The following CCDC171 variants were observed in gnomAD, a reference collection of about 807,000 sequenced individuals.
CCDC171 encodes the protein coiled-coil domain-containing protein 171.
In CCDC171, 177 loss-of-function variants were observed where a neutral mutation model predicts 168.2. The ratio of observed to expected loss-of-function variants is 1.05; its 90% CI spans 0.93 to 1.19. The LOEUF is 1.19. Among genes scored for constraint, CCDC171 ranks in the 50% most tolerant of loss-of-function variants. The pLI is 0.00. For missense variants in CCDC171, 1,991 were observed against 1,539.0 expected, an observed-to-expected ratio of 1.29 and a Z score of -4.91; for synonymous variants, 687 against 540.8, an observed-to-expected ratio of 1.27 and a Z score of -3.75.
chr9:15,659,777 C>G lies in CCDC171; in HGVS notation c.915+2558C>G, dbSNP rs115345318. On this transcript the variant is annotated intron_variant, in intron 8 of 25. Coordinates refer to ENST00000380701, the MANE Select transcript of CCDC171 (RefSeq NM_173550.4). ...GCCAAAATCAGTAAATGAAAAGTAG[C>G]TATAAGCAGATAGATTAAAACTAGT... Among the ~76,000 whole-genome samples, 1,036 of 152,238 alleles carry G rather than the reference C, an allele frequency of 6.8e-3. 7 individuals carry two copies. Among genetic ancestry groups the G allele is most frequent in the African/African-American group, 0.024 (1,002 of 41,564 alleles).
chr9:15,793,310 C>T (rs1168962342), intron 21 of CCDC171, among the ~76,000 whole-genome samples: 5 of 151,620 alleles, frequency 3.3e-5, no homozygotes, highest in African/African-American at 7.3e-5. Context: ...ACAGGAGCAC[C>T]CAGATTCATA....
intron 25 of CCDC171, among the ~76,000 whole-genome samples, chr9:15,946,008 T>G (rs1167064636): frequency 6.6e-6 from 1 of 151,570 alleles, no homozygotes; most frequent in Non-Finnish European, 1.5e-5. Flanking sequence ...GTTTTTATGG[T>G]TTTAGGTCTA....
chr9:15,896,295 C>G (rs1411280458), intron 24 of CCDC171, among the ~76,000 whole-genome samples: 1 of 151,904 alleles, frequency 6.6e-6, no homozygotes, highest in Non-Finnish European at 1.5e-5. Flanking sequence ...AGAGTCTAAA[C>G]AAGATACAAA....
In CCDC171 at chr9:15,971,965, C is replaced by T; in HGVS notation, c.*129C>T. On this transcript the variant is annotated 3_prime_UTR_variant, in exon 26 of 26. Transcript: ENST00000380701. Reference sequence around the variant, plus strand: ...TGGATTTAAAAAATTTGTGCGCTATCTTGATGTATTCTGGTAGCTCTGTCT... The same window carrying T: ...TGGATTTAAAAAATTTGTGCGCTATTTTGATGTATTCTGGTAGCTCTGTCT... The T allele has an allele frequency of 1.4e-6, 1 of 728,674 alleles. No individual in the cohort carries two copies. Among genetic ancestry groups the T allele is most frequent in the Non-Finnish European group, 2.3e-6 (1 of 435,940 alleles). 45.1% of individuals were successfully genotyped at this position (728,674 alleles called of 1,614,324 possible).
At chr9:16,013,254 T>C (rs550501070) in intron 3 of CCDC171, among the ~76,000 whole-genome samples, 1 of 152,172 alleles carries the variant, frequency 6.6e-6, no homozygotes, top group East Asian at 1.9e-4. Context: ...CCTCTTTCTT[T>C]CCATCACAGC....
intron 25 of CCDC171, among the ~76,000 whole-genome samples, chr9:15,952,433 T>C (rs1486877333): frequency 6.6e-6 from 1 of 152,192 alleles, no homozygotes; most frequent in Non-Finnish European, 1.5e-5. Flanking sequence ...AGTCTCGCTG[T>C]GTTTCCCAGG....
chr9:15,730,687 G>T (rs114455514), intron 16 of CCDC171, among the ~76,000 whole-genome samples: 1 of 151,302 alleles, frequency 6.6e-6, no homozygotes, highest in Non-Finnish European at 1.5e-5. Context: ...TATTAAATCA[G>T]GTCATTCTGT....
chr9:15,621,412 A>T (rs554284647), intron 6 of CCDC171, among the ~76,000 whole-genome samples: 1 of 152,298 alleles, frequency 6.6e-6, no homozygotes, highest in East Asian at 1.9e-4. Flanking sequence ...TTATTGCAAT[A>T]TATGCTTTAT....
chr9:16,005,241 T>C (rs1832661944), intron 3 of CCDC171, among the ~76,000 whole-genome samples: 1 of 152,256 alleles, frequency 6.6e-6, no homozygotes, highest in Admixed American at 6.5e-5. Context: ...TTTCATATAA[T>C]CACATAATAT....
chr9:15,860,921 G>T (rs2061528817), intron 23 of CCDC171, among the ~76,000 whole-genome samples: 1 of 93,496 alleles, frequency 1.1e-5, no homozygotes, highest in South Asian at 3.6e-4. Context: ...ATATTTAGGT[G>T]CTCTGTTGTT....
At chr9:15,833,436 C>A (rs894792548) in intron 21 of CCDC171, among the ~76,000 whole-genome samples, 1 of 152,108 alleles carries the variant, frequency 6.6e-6, no homozygotes, top group African/African-American at 2.4e-5. Flanking sequence ...AAATGATATT[C>A]ATTTATGTTG....
At chr9:16,104,216 C>T in the CCDC171 span, among the ~76,000 whole-genome samples, 8 of 152,190 alleles carry the variant, frequency 5.3e-5, no homozygotes, top group East Asian at 5.8e-4. Context: ...CAGAAAAGCC[C>T]CTGTTGTTTT....
At chr9:15,693,836 C>G (rs1587999941) in intron 10 of CCDC171, among the ~76,000 whole-genome samples, 1 of 152,128 alleles carries the variant, frequency 6.6e-6, no homozygotes, top group Non-Finnish European at 1.5e-5. Flanking sequence ...CCCTTCCCTC[C>G]TTTCCAACTA....
intron 7 of CCDC171, among the ~76,000 whole-genome samples, chr9:15,656,336 A>C (rs527265930): frequency 2.6e-5 from 4 of 152,088 alleles, no homozygotes; most frequent in African/African-American, 4.8e-5. Flanking sequence ...AAAAAAAAAA[A>C]CAAATCAATA....
intron 11 of CCDC171, among the ~76,000 whole-genome samples, chr9:15,699,275 G>A (rs150448101): frequency 1.5e-4 from 23 of 152,072 alleles, no homozygotes; most frequent in Admixed American, 1.3e-3. Flanking sequence ...CGGTGGGCTC[G>A]TGGGCTCGCT....
chr9:15,922,508 C>T (rs1468358859), intron 25 of CCDC171, among the ~76,000 whole-genome samples: 1 of 151,466 alleles, frequency 6.6e-6, no homozygotes, highest in Non-Finnish European at 1.5e-5. Flanking sequence ...AACAGAAGAT[C>T]TGACTAGCAC....
At chr9:15,750,151 C>T (rs534475611) in intron 18 of CCDC171, among the ~76,000 whole-genome samples, 1 of 152,064 alleles carries the variant, frequency 6.6e-6, no homozygotes, top group African/African-American at 2.4e-5. Flanking sequence ...CCACTGATCC[C>T]ATACAAATAC....
chr9:15,664,899 A>C (rs1014122370), intron 8 of CCDC171, among the ~76,000 whole-genome samples: 1 of 151,862 alleles, frequency 6.6e-6, no homozygotes, highest in Non-Finnish European at 1.5e-5. Flanking sequence ...GGGTTTCTCC[A>C]TGTTGGTCAG....
intron 7 of CCDC171, among the ~76,000 whole-genome samples, chr9:15,629,232 C>T (rs554098408): frequency 1.3e-4 from 19 of 151,966 alleles, no homozygotes; most frequent in Non-Finnish European, 2.4e-4. Flanking sequence ...CAAACTACTC[C>T]GAGCTACAAG....
Sources: allele counts gnomAD v4.1 joint callset (sites outside exome capture counted in the v4.1 genomes callset), GRCh38; gene constraint gnomAD v4.1.1; transcripts MANE v1.5; gene names NCBI Gene and HGNC (gene_info 2026-07-23, HGNC 2026-07-21).